The following VAV2 variants were observed in gnomAD, a reference collection of about 807,000 sequenced individuals.
The protein encoded by VAV2 is guanine nucleotide exchange factor VAV2.
In VAV2, 67 loss-of-function variants were observed where a neutral mutation model predicts 132.5. That is an observed-to-expected ratio of 0.51 (90% confidence interval 0.42 to 0.62). The LOEUF (loss-of-function observed/expected upper bound fraction) is 0.62. Ranked by LOEUF, VAV2 falls within the 20% of genes least tolerant of loss-of-function variation. The pLI is 0.00. For synonymous variants in VAV2, 492 were observed against 443.5 expected, an observed-to-expected ratio of 1.11 and a Z score of -1.37; for missense variants, 938 against 1,153.6, an observed-to-expected ratio of 0.81 and a Z score of 2.71.
At chr9:133,865,543 T>G (rs1837763859) in intron 2 of VAV2, among the ~76,000 whole-genome samples, 1 of 152,254 alleles carries the variant, frequency 6.6e-6, no homozygotes, top group South Asian at 2.1e-4. Flanking sequence ...ATTTTCATTT[T>G]GAGAATTTCT....
chr9:133,938,140 A>G (rs986978972), intron 2 of VAV2, among the ~76,000 whole-genome samples: 1 of 152,210 alleles, frequency 6.6e-6, no homozygotes, highest in Non-Finnish European at 1.5e-5. Flanking sequence ...CAAGTCCCTG[A>G]TAATGATGCT....
At chr9:133,908,728 G>A (rs766708862) in intron 2 of VAV2, among the ~76,000 whole-genome samples, 2 of 152,252 alleles carry the variant, frequency 1.3e-5, no homozygotes, top group African/African-American at 2.4e-5. Flanking sequence ...GCGTCCCCAC[G>A]CCCTTGCCAG....
intron 4 of VAV2, among the ~76,000 whole-genome samples, chr9:133,820,616 C>T (rs1438639764): frequency 6.6e-6 from 1 of 152,198 alleles, no homozygotes; most frequent in Admixed American, 6.5e-5. Flanking sequence ...TGAGCCACCG[C>T]GCCCGGCCTC....
intron 22 of VAV2, among the ~76,000 whole-genome samples, chr9:133,778,139 C>G (rs1302817931): frequency 2.0e-5 from 3 of 151,436 alleles, no homozygotes; most frequent in Non-Finnish European, 4.4e-5. Context: ...TGCCCAGAAC[C>G]CTTTACAGCC....
intron 2 of VAV2, among the ~76,000 whole-genome samples, chr9:133,874,887 G>A (rs186758084): frequency 9.2e-5 from 14 of 152,288 alleles, no homozygotes; most frequent in African/African-American, 2.4e-4. Context: ...GGAGCCAGGC[G>A]CTGTGCATGG....
In VAV2 at chr9:133,937,660, G is replaced by C. The variant is rs1036824374; in HGVS notation, c.321+1443C>G. ...CTGCTTGCAGGGAAGGAACAGGAGA[G>C]AGTTCCAACTCATTTCAAAACAAAT... On this transcript the variant is annotated intron_variant, in intron 2 of 29. Coordinates refer to ENST00000371850, the MANE Select transcript of VAV2 (RefSeq NM_001134398.2). 2.6e-5 allele frequency among the ~76,000 whole-genome samples: 4 copies of C among 152,258 alleles called. No homozygotes were observed. In the East Asian group the frequency reaches 7.7e-4, roughly 29 times the overall value.
intron 9 of VAV2, among the ~76,000 whole-genome samples, chr9:133,803,414 GC>G (rs1370631917): frequency 7.0e-6 from 1 of 143,544 alleles, no homozygotes; most frequent in Non-Finnish European, 1.5e-5. Flanking sequence ...ATGACTCACT[GC>G]CCCACTCAAG....
intron 2 of VAV2, among the ~76,000 whole-genome samples, chr9:133,905,231 C>A (rs1270244929): frequency 2.6e-5 from 4 of 151,402 alleles, no homozygotes; most frequent in African/African-American, 9.7e-5. Context: ...GAGTTCGAGA[C>A]CAGCCTGGCC....
chr9:133,843,850 G>C (rs893048862), intron 3 of VAV2, among the ~76,000 whole-genome samples: 1 of 152,196 alleles, frequency 6.6e-6, no homozygotes, highest in Non-Finnish European at 1.5e-5. Flanking sequence ...AAGTAGGAGG[G>C]TCTCTGTCCC....
chr9:133,977,459 G>C (rs978094040), intron 1 of VAV2, among the ~76,000 whole-genome samples: 1 of 152,226 alleles, frequency 6.6e-6, no homozygotes, highest in Non-Finnish European at 1.5e-5. Context: ...CGCCACCCCA[G>C]GGGGCCTGGG....
intron 3 of VAV2, among the ~76,000 whole-genome samples, chr9:133,846,344 C>T (rs1008012897): frequency 2.6e-5 from 4 of 152,218 alleles, no homozygotes; most frequent in African/African-American, 7.2e-5. Flanking sequence ...CAGCCCCGCT[C>T]ACCCTCTTCC....
intron 6 of VAV2, 91 bp from the exon 7 acceptor site, chr9:133,809,229 A>G (rs1370353937): frequency 8.8e-7 from 1 of 1,134,116 alleles, no homozygotes; most frequent in Non-Finnish European, 1.3e-6. Flanking sequence ...ACACCTCCAC[A>G]AAAGAGGACT....
At chr9:133,771,040 T>G (rs1588153019) in intron 26 of VAV2, among the ~76,000 whole-genome samples, 2 of 145,402 alleles carry the variant, frequency 1.4e-5, no homozygotes, top group Admixed American at 6.9e-5. Flanking sequence ...TTTTTGGAGG[T>G]GGGGATGGGA....
intron 16 of VAV2, among the ~76,000 whole-genome samples, chr9:133,786,314 G>A (rs1026408471): frequency 5.3e-5 from 8 of 152,170 alleles, no homozygotes; most frequent in Non-Finnish European, 7.3e-5. Flanking sequence ...GTACTAACAC[G>A]TATGATGCAC....
rs558718253 is a variant in VAV2, at chr9:133,978,261, C to T, written c.204+13814G>A. Among the ~76,000 whole-genome samples, 9 of 152,306 alleles carry T rather than the reference C, an allele frequency of 5.9e-5. No homozygotes were observed. The South Asian group carries it at 1.9e-3, about 32-fold the overall frequency. Reference sequence around the variant, plus strand: ...CCTCCATTGCAGGCTGGGGGACCCTCTCCTACTCCAGCCACTGCAGAAAGG... The same window carrying T: ...CCTCCATTGCAGGCTGGGGGACCCTTTCCTACTCCAGCCACTGCAGAAAGG... On this transcript the variant is annotated intron_variant, in intron 1 of 29. Transcript: ENST00000371850.
intron 2 of VAV2, among the ~76,000 whole-genome samples, chr9:133,876,518 C>T (rs1588301318): frequency 6.6e-6 from 1 of 152,366 alleles, no homozygotes; most frequent in East Asian, 1.9e-4. Flanking sequence ...CGGAGAGCGG[C>T]CATGGCCACA....
At chr9:133,975,817 A>C (rs1251126250) in intron 1 of VAV2, among the ~76,000 whole-genome samples, 1 of 152,140 alleles carries the variant, frequency 6.6e-6, no homozygotes, top group Non-Finnish European at 1.5e-5. Context: ...TAGAACTTTC[A>C]ATATTTGTCA....
rs188262856 is a variant in VAV2, at chr9:133,913,433, G to A, written c.321+25670C>T. Among the ~76,000 whole-genome samples, 177 of 152,292 alleles carry A rather than the reference G, an allele frequency of 1.2e-3. 2 individuals are homozygous for A. The highest frequency in any genetic ancestry group is 2.1e-3 in the Non-Finnish European group (143 of 68,022). On this transcript the variant is annotated intron_variant, in intron 2 of 29. Transcript: ENST00000371850. The stretch of plus-strand genomic sequence containing the variant: ...AAAGTCCTTGTCAGGGGTGGTGCGC[G>A]CTTCCTGGTGCCCCACTCCGGAGGC...
rs1234716330 is a variant in VAV2 at position 133,973,364 on chromosome 9, C to T, written c.204+18711G>A. 2.0e-5 allele frequency among the ~76,000 whole-genome samples: 3 copies of T among 152,158 alleles called. No individual in the cohort carries two copies. The East Asian group carries it at 5.8e-4, about 29-fold the overall frequency. On this transcript the variant is annotated intron_variant, in intron 1 of 29. Coordinates refer to ENST00000371850, the MANE Select transcript of VAV2 (RefSeq NM_001134398.2). ...CCAAAGTCCCACAACCAGGAAAGAA[C>T]AGGCTTCTTCTGGTGTATGGTAACA...
Sources: allele counts gnomAD v4.1 joint callset (sites outside exome capture counted in the v4.1 genomes callset), GRCh38; gene constraint gnomAD v4.1.1; transcripts MANE v1.5; gene names NCBI Gene and HGNC (gene_info 2026-07-23, HGNC 2026-07-21).